ADAM12: variants seen among roughly 807,000 people sequenced by gnomAD.
ADAM12 encodes the protein disintegrin and metalloproteinase domain-containing protein 12.
ADAM12 carries 70 observed loss-of-function variants against 106.4 expected under a neutral mutation model. The ratio of observed to expected loss-of-function variants is 0.66; its 90% CI spans 0.54 to 0.80. The LOEUF is 0.80. Ranked by LOEUF, ADAM12 falls within the 30% of genes least tolerant of loss-of-function variation. The pLI is 0.00. For synonymous variants in ADAM12, 420 were observed against 433.5 expected (o/e 0.97, Z 0.39); for missense variants, 1,010 against 1,171.9 (o/e 0.86, Z 2.02).
In ADAM12 at chr10:126,043,817, G is replaced by A. The variant is rs1954242583; in HGVS notation, c.1996-669C>T. The stretch of plus-strand genomic sequence containing the variant: ...TGGCTGTTCCCTGGCTCCCAGTCAC[G>A]CACCAGGGTGCGAATCCAACAGTGG... On this transcript the variant is annotated intron_variant, in intron 17 of 22. Transcript: ENST00000448723. The surrounding 1 kb of genome is among the most constrained non-coding windows in gnomAD (Gnocchi z 4.1). Among the ~76,000 whole-genome samples the A allele has an allele frequency of 6.6e-6, 1 of 152,200 alleles. No individual in the cohort carries two copies. Among genetic ancestry groups the A allele is most frequent in the Non-Finnish European group, 1.5e-5 (1 of 68,038 alleles).
intron 5 of ADAM12, among the ~76,000 whole-genome samples, chr10:126,121,061 ATAAT>A (rs1956083347): frequency 8.9e-6 from 1 of 112,030 alleles, no homozygotes; most frequent in South Asian, 2.5e-4. Context: ...TATATGCAAT[ATAAT>A]TAAATATATT....
chr10:126,221,958 G>T (rs944896160), intron 3 of ADAM12, among the ~76,000 whole-genome samples: 1 of 152,170 alleles, frequency 6.6e-6, no homozygotes, highest in African/African-American at 2.4e-5. Flanking sequence ...GCCAGGTTAG[G>T]TCACAAGAAG....
At chr10:126,291,941 C>T (rs558889099) in intron 2 of ADAM12, among the ~76,000 whole-genome samples, 4 of 151,486 alleles carry the variant, frequency 2.6e-5, no homozygotes, top group African/African-American at 9.7e-5. Context: ...GAGACATCCT[C>T]AATCTGTACA....
At chr10:126,093,814 T>C (rs1955507976) in intron 11 of ADAM12, among the ~76,000 whole-genome samples, 171 bp downstream of exon 11, 1 of 152,230 alleles carries the variant, frequency 6.6e-6, no homozygotes, top group South Asian at 2.1e-4. Flanking sequence ...TGGCTGCCCA[T>C]GGCTCTCCAG....
At chr10:126,234,276 G>A (rs188201170) in intron 3 of ADAM12, among the ~76,000 whole-genome samples, 2 of 152,116 alleles carry the variant, frequency 1.3e-5, no homozygotes, top group East Asian at 3.9e-4. Flanking sequence ...AATTATCATG[G>A]GCTGCATTTG....
At chr10:126,165,234 C>A (rs1590541215) in intron 3 of ADAM12, among the ~76,000 whole-genome samples, 1 of 152,230 alleles carries the variant, frequency 6.6e-6, no homozygotes, top group East Asian at 1.9e-4. Context: ...GTGGTGCGAT[C>A]CCGGCTCACT....
intron 21 of ADAM12, among the ~76,000 whole-genome samples, chr10:126,033,651 C>G (rs763871985): frequency 3.1e-4 from 47 of 152,270 alleles, no homozygotes; most frequent in Non-Finnish European, 5.3e-4. Flanking sequence ...AGCCATGCCT[C>G]CCTCCTGCTC....
rs143860606 is a variant in ADAM12, at chr10:126,063,152, C to T, written c.1609+1654G>A. Among the ~76,000 whole-genome samples, 117 of 152,320 alleles carry T rather than the reference C, an allele frequency of 7.7e-4. 1 individual carries two copies. The South Asian group carries it at 0.013, about 17-fold the overall frequency. On this transcript the variant is annotated intron_variant, in intron 14 of 22. Transcript: ENST00000448723. Reference sequence around the variant, plus strand: ...GTCCAAGGATGAAGTACTAAGGGCCCGGGAACTGCAGGCCTCCCCATCCCA... The same window carrying T: ...GTCCAAGGATGAAGTACTAAGGGCCTGGGAACTGCAGGCCTCCCCATCCCA...
intron 3 of ADAM12, among the ~76,000 whole-genome samples, chr10:126,211,540 C>T (rs1316316591): frequency 6.6e-6 from 1 of 152,060 alleles, no homozygotes; most frequent in Non-Finnish European, 1.5e-5. Context: ...GGGTCCTGGA[C>T]CATGTCATCC....
intron 21 of ADAM12, among the ~76,000 whole-genome samples, chr10:126,030,543 C>T (rs1349481318): frequency 6.6e-6 from 1 of 152,168 alleles, no homozygotes; most frequent in Non-Finnish European, 1.5e-5. Context: ...AAATATCAGG[C>T]ATCTGCTTTT....
chr10:126,054,223 T>C (rs1954577255), intron 14 of ADAM12, among the ~76,000 whole-genome samples: 1 of 152,248 alleles, frequency 6.6e-6, no homozygotes. Flanking sequence ...ACCCACTCTA[T>C]TGCTTATGAA....
chr10:126,153,501 GT>G (rs1956763905), intron 4 of ADAM12, among the ~76,000 whole-genome samples: 5 of 152,072 alleles, frequency 3.3e-5, no homozygotes, highest in Admixed American at 3.3e-4. Context: ...TCCTGTGTGT[GT>G]TTTTAAATTT....
At chr10:126,138,443 C>T (rs113144243) in intron 4 of ADAM12, among the ~76,000 whole-genome samples, 2,364 of 152,234 alleles carry the variant, frequency 0.016, 61 homozygotes, top group African/African-American at 0.053. Flanking sequence ...GGCACGATCT[C>T]GGCTCATTGC....
chr10:126,228,312 AT>A (rs1344171247), intron 3 of ADAM12, among the ~76,000 whole-genome samples: 1 of 152,164 alleles, frequency 6.6e-6, no homozygotes, highest in Non-Finnish European at 1.5e-5. Flanking sequence ...ATCCTAAGAT[AT>A]TTTTTCCCCA....
intron 3 of ADAM12, among the ~76,000 whole-genome samples, chr10:126,198,645 A>C (rs1300495402): frequency 6.6e-6 from 1 of 152,082 alleles, no homozygotes; most frequent in Non-Finnish European, 1.5e-5. Flanking sequence ...CTCTGCCTGC[A>C]CCTCTGGATG....
chr10:126,241,111 G>A (rs1958514194), intron 3 of ADAM12, among the ~76,000 whole-genome samples: 1 of 152,212 alleles, frequency 6.6e-6, no homozygotes, highest in South Asian at 2.1e-4. Flanking sequence ...AGTGAAAGGA[G>A]CTGACACAAG....
intron 3 of ADAM12, among the ~76,000 whole-genome samples, chr10:126,201,952 C>A (rs1441468992): frequency 6.6e-6 from 1 of 152,158 alleles, no homozygotes; most frequent in Non-Finnish European, 1.5e-5. Context: ...ACATAAAGAA[C>A]GTCCAGGGAA....
chr10:126,036,677 A>G (rs1008228657), intron 20 of ADAM12, among the ~76,000 whole-genome samples: 29 of 152,170 alleles, frequency 1.9e-4, no homozygotes, highest in African/African-American at 6.5e-4. Flanking sequence ...AGATGTGAAA[A>G]TAAGATACAG....
Position 126,016,470 on chromosome 10 carries a change from A to C in ADAM12, c.*809T>G, listed in dbSNP as rs1953663563. The C allele has an allele frequency of 6.6e-6, 1 of 152,228 alleles. No individual in the cohort carries two copies. The highest frequency in any genetic ancestry group is 2.4e-5 in the African/African-American group (1 of 41,458). 9.4% of individuals were successfully genotyped at this position (152,228 alleles called of 1,614,324 possible). ...CCACCTTTCCCAAGCTAAATAACCTACTGGTGGCAGTGCTCTAGAAAGGAC... is the reference window on the plus strand; with the variant it reads ...CCACCTTTCCCAAGCTAAATAACCTCCTGGTGGCAGTGCTCTAGAAAGGAC... On this transcript the variant is annotated 3_prime_UTR_variant, in exon 23 of 23. Coordinates refer to ENST00000448723, the MANE Select transcript of ADAM12 (RefSeq NM_001288973.2).
Sources: allele counts gnomAD v4.1 joint callset (sites outside exome capture counted in the v4.1 genomes callset), GRCh38; gene constraint gnomAD v4.1.1; non-coding constraint Gnocchi (gnomAD v3.1); transcripts MANE v1.5; gene names NCBI Gene and HGNC (gene_info 2026-07-23, HGNC 2026-07-21).